The following LRRTM4 variants were observed in gnomAD, a reference collection of about 807,000 sequenced individuals.
The protein encoded by LRRTM4 is leucine-rich repeat transmembrane neuronal protein 4.
In LRRTM4, 25 loss-of-function variants were observed where a neutral mutation model predicts 47.6. That is an observed-to-expected ratio of 0.53 (90% CI 0.38 to 0.73). LRRTM4 has a LOEUF of 0.73. Among genes scored for constraint, LRRTM4 ranks in the 30% least tolerant of loss-of-function variants. LRRTM4 has a pLI of 0.00. For synonymous variants in LRRTM4, 311 were observed against 269.5 expected, an observed-to-expected ratio of 1.15 and a Z score of -1.51; for missense variants, 638 against 713.4, an observed-to-expected ratio of 0.89 and a Z score of 1.20.
intron 3 of LRRTM4, among the ~76,000 whole-genome samples, chr2:77,228,283 T>C (rs1157631205): frequency 2.0e-5 from 3 of 152,152 alleles, no homozygotes; most frequent in Non-Finnish European, 4.4e-5. Flanking sequence ...AAGTGTGATC[T>C]ATTCTCCTTA....
At chr2:77,222,169 A>G (rs181933293) in intron 3 of LRRTM4, among the ~76,000 whole-genome samples, 2 of 152,326 alleles carry the variant, frequency 1.3e-5, no homozygotes, top group African/African-American at 2.4e-5. Context: ...GAGAACAAAG[A>G]CATAACATAC....
At chr2:77,309,902 A>G (rs911975277) in intron 3 of LRRTM4, among the ~76,000 whole-genome samples, 2 of 152,196 alleles carry the variant, frequency 1.3e-5, no homozygotes, top group Admixed American at 1.3e-4. Flanking sequence ...GTTTGTGTCA[A>G]TAAAGTTTTA....
chr2:77,197,039 GT>G (rs552623307), intron 3 of LRRTM4, among the ~76,000 whole-genome samples: 2 of 152,000 alleles, frequency 1.3e-5, no homozygotes, highest in East Asian at 3.9e-4. Context: ...GAAAGTAGGT[GT>G]TTTTTTCTCC....
intron 3 of LRRTM4, among the ~76,000 whole-genome samples, chr2:76,763,881 G>GA (rs1276356055): frequency 6.6e-6 from 1 of 152,166 alleles, no homozygotes; most frequent in Admixed American, 6.5e-5. Context: ...CTACCCACTA[G>GA]ATGTATTATA....
At chr2:77,447,424 A>G (rs1676095639) in intron 3 of LRRTM4, among the ~76,000 whole-genome samples, 1 of 152,152 alleles carries the variant, frequency 6.6e-6, no homozygotes, top group African/African-American at 2.4e-5. Flanking sequence ...GCTCCAGCTG[A>G]ATAGAGCTTG....
At chr2:77,361,114 T>A (rs772382665) in intron 3 of LRRTM4, among the ~76,000 whole-genome samples, 1 of 152,080 alleles carries the variant, frequency 6.6e-6, no homozygotes, top group African/African-American at 2.4e-5. Context: ...CTCCTCAATA[T>A]GTCCCTAGTT....
chr2:77,467,337 A>C (rs1250018228), intron 3 of LRRTM4, among the ~76,000 whole-genome samples: 2 of 152,150 alleles, frequency 1.3e-5, no homozygotes, highest in Non-Finnish European at 2.9e-5. Flanking sequence ...AGTTCCACAC[A>C]TGACATCTCT....
rs545814256 is a variant in LRRTM4, at chr2:77,482,530, A to C, written c.1551+35788T>G. Among the ~76,000 whole-genome samples the C allele has an allele frequency of 2.5e-3, 386 of 152,264 alleles. 3 individuals are homozygous for C. The highest frequency in any genetic ancestry group is 9.0e-3 in the African/African-American group (376 of 41,552). On this transcript the variant is annotated intron_variant, in intron 3 of 3. Transcript: ENST00000409884. ...TAAAACTTGATTTAAATTTTAGAGAAGTCTTGATACAGAAAGGAAGAGAAT... is the reference window on the plus strand; with the variant it reads ...TAAAACTTGATTTAAATTTTAGAGACGTCTTGATACAGAAAGGAAGAGAAT...
At chr2:76,773,605 GAAC>G (rs1379422437) in intron 3 of LRRTM4, among the ~76,000 whole-genome samples, 1 of 150,700 alleles carries the variant, frequency 6.6e-6, no homozygotes, top group East Asian at 1.9e-4. Context: ...CAAAGCAAAG[GAAC>G]AACTAAAAAT....
chr2:77,172,393 G>T (rs138275275), intron 3 of LRRTM4, among the ~76,000 whole-genome samples: 1 of 151,994 alleles, frequency 6.6e-6, no homozygotes, highest in African/African-American at 2.4e-5. Context: ...TCAGGAGTTC[G>T]AGACTAGCCT....
chr2:77,032,756 A>C (rs1678707485), intron 3 of LRRTM4, among the ~76,000 whole-genome samples: 1 of 152,108 alleles, frequency 6.6e-6, no homozygotes. Flanking sequence ...TAATTCTTTT[A>C]GGCTTTTTCT....
At chr2:77,426,591 A>G (rs9973377) in intron 3 of LRRTM4, among the ~76,000 whole-genome samples, 49,555 of 151,974 alleles carry the variant, frequency 0.33, 8,243 homozygotes, top group Non-Finnish European at 0.37. Flanking sequence ...TGATTCATGG[A>G]GCAGTTACCC....
chr2:77,419,998 T>C (rs1275964772), intron 3 of LRRTM4, among the ~76,000 whole-genome samples: 7 of 152,218 alleles, frequency 4.6e-5, no homozygotes, highest in African/African-American at 1.7e-4. Flanking sequence ...ACTGAGTGTC[T>C]GCACTTGAGG....
chr2:76,976,067 T>C (rs74718857), intron 3 of LRRTM4, among the ~76,000 whole-genome samples: 2,279 of 151,836 alleles, frequency 0.015, 59 homozygotes, highest in African/African-American at 0.053. Flanking sequence ...TATGGTCCTA[T>C]TGAAAACTGG....
At chr2:76,914,961 T>A (rs1036036347) in intron 3 of LRRTM4, among the ~76,000 whole-genome samples, 2 of 152,346 alleles carry the variant, frequency 1.3e-5, no homozygotes, top group East Asian at 3.9e-4. Context: ...TGGTACTCCT[T>A]TTCTTTGTTG....
intron 3 of LRRTM4, among the ~76,000 whole-genome samples, chr2:76,902,973 G>C (rs1573286235): frequency 6.6e-6 from 1 of 151,954 alleles, no homozygotes; most frequent in Non-Finnish European, 1.5e-5. Flanking sequence ...AATTGGGTGG[G>C]TCAAGGTTAA....
chr2:77,520,543 C>T (rs11677111), intron 2 of LRRTM4, among the ~76,000 whole-genome samples: 8,836 of 152,124 alleles, frequency 0.058, 274 homozygotes, highest in Middle Eastern at 0.1. Flanking sequence ...CCCTGCCCAA[C>T]GATACAGGAG....
At chr2:77,131,118 G>A (rs1343290727) in intron 3 of LRRTM4, among the ~76,000 whole-genome samples, 1 of 152,138 alleles carries the variant, frequency 6.6e-6, no homozygotes, top group Non-Finnish European at 1.5e-5. Context: ...ACAGGCGTCA[G>A]CCACCGCGCC....
rs116464866 is a variant in LRRTM4, at chr2:77,339,021, T to C, written c.1551+179297A>G. 4.2e-3 allele frequency among the ~76,000 whole-genome samples: 643 copies of C among 152,058 alleles called. 5 individuals carry two copies. Among genetic ancestry groups the C allele is most frequent in the African/African-American group, 0.014 (595 of 41,500 alleles). ...GTAACAGAAAACCAAATATCGCATG[T>C]TCCCATTTATGAGTGGAAGGAAAAC... On this transcript the variant is annotated intron_variant, in intron 3 of 3. Transcript: ENST00000409884.
Sources: gnomAD v4.1 joint callset for allele counts (sites outside exome capture counted in the v4.1 genomes callset) on GRCh38, gnomAD v4.1.1 for gene constraint, MANE v1.5 for transcripts, NCBI Gene and HGNC (gene_info 2026-07-23, HGNC 2026-07-21) for gene names.